SCLT1: variants seen among roughly 807,000 people sequenced by gnomAD.
The protein encoded by SCLT1 is sodium channel-associated protein 1.
A neutral mutation model predicts 112.8 loss-of-function variants in SCLT1; 78 were observed. The observed-to-expected ratio is 0.69, with a 90% CI of 0.58 to 0.83. SCLT1 has a LOEUF of 0.83. SCLT1 is among the 40% of genes least tolerant of loss of function. The pLI, the probability that SCLT1 is intolerant of heterozygous loss-of-function variation, is 0.00. For synonymous variants in SCLT1, 257 were observed against 254.7 expected (o/e 1.01, Z -0.09); for missense variants, 747 against 770.4 (o/e 0.97, Z 0.36).
At chr4:129,066,337 A>T (rs1302122115) in intron 2 of SCLT1, among the ~76,000 whole-genome samples, 1 of 152,094 alleles carries the variant, frequency 6.6e-6, no homozygotes, top group Non-Finnish European at 1.5e-5. Context: ...CTCACCAATA[A>T]TTAGAGAAAT....
At chr4:129,084,136 A>G (rs544768637) in intron 1 of SCLT1, among the ~76,000 whole-genome samples, 9 of 152,334 alleles carry the variant, frequency 5.9e-5, no homozygotes, top group African/African-American at 2.2e-4. Context: ...GAATCACATA[A>G]GGATAAATTC....
At position 129,032,108 on chromosome 4, in the gene SCLT1, A is replaced by G. The variant is rs1264287206; in HGVS notation, c.290+6933T>C. Among the ~76,000 whole-genome samples, 4 of 152,290 alleles carry G rather than the reference A, an allele frequency of 2.6e-5. No homozygotes were observed. In the East Asian group the frequency reaches 7.7e-4, roughly 29 times the overall value. ...ACTATACTACAAGGCTACAGTAACC[A>G]AAACAGCATGTTACTGGTATCAAAT... is the stretch of plus-strand genomic sequence containing the variant. On this transcript the variant is annotated intron_variant, in intron 5 of 20. Transcript: ENST00000281142.
At chr4:128,945,687 A>G (rs2125992794) in intron 16 of SCLT1, among the ~76,000 whole-genome samples, 1 of 152,264 alleles carries the variant, frequency 6.6e-6, no homozygotes, top group Non-Finnish European at 1.5e-5. Context: ...TACACTAAGT[A>G]CAGGTAGTAT....
intron 5 of SCLT1, among the ~76,000 whole-genome samples, chr4:129,028,963 A>G (rs999703147): frequency 1.7e-4 from 26 of 152,246 alleles, no homozygotes; most frequent in African/African-American, 5.1e-4. Flanking sequence ...AATGCAAATC[A>G]AAACCACAGT....
chr4:128,952,489 C>T (rs1219056342), intron 14 of SCLT1: 4 of 534,324 alleles, frequency 7.5e-6, no homozygotes, highest in Non-Finnish European at 1.4e-5. Context: ...ATAAACTCAG[C>T]ATATGATAGG....
intron 5 of SCLT1, among the ~76,000 whole-genome samples, chr4:129,021,596 CTGTGG>C (rs1456972767): frequency 2.0e-5 from 3 of 152,206 alleles, no homozygotes; most frequent in Non-Finnish European, 2.9e-5. Flanking sequence ...GGCAAAGTGG[CTGTGG>C]CCAGACCACT....
chr4:129,028,648 A>C (rs1391441773), intron 5 of SCLT1, among the ~76,000 whole-genome samples: 1 of 152,230 alleles, frequency 6.6e-6, no homozygotes, highest in East Asian at 1.9e-4. Context: ...CACCAAAAGC[A>C]ATGGCAACAA....
At chr4:128,997,786 A>C in intron 8 of SCLT1, 88 bp downstream of exon 8, 1 of 603,050 alleles carries the variant, frequency 1.7e-6, no homozygotes, top group Non-Finnish European at 2.8e-6. Flanking sequence ...AATTTCGTGC[A>C]GCATGCTTAT....
intron 18 of SCLT1, among the ~76,000 whole-genome samples, chr4:128,895,078 C>T (rs1733633610): frequency 6.6e-6 from 1 of 152,112 alleles, no homozygotes; most frequent in Non-Finnish European, 1.5e-5. Flanking sequence ...TGTTACCATC[C>T]CAATTCAAGT....
intron 4 of SCLT1, among the ~76,000 whole-genome samples, chr4:129,042,566 G>A (rs1747792441): frequency 6.6e-6 from 1 of 152,154 alleles, no homozygotes; most frequent in Non-Finnish European, 1.5e-5. Context: ...GAGATTAAGA[G>A]ATTCTTCTAA....
At chr4:128,913,580 T>C (rs1370437110) in intron 18 of SCLT1, among the ~76,000 whole-genome samples, 1 of 152,156 alleles carries the variant, frequency 6.6e-6, no homozygotes, top group East Asian at 1.9e-4. Flanking sequence ...GTGTGTTTTT[T>C]CCAGCCACCT....
intron 18 of SCLT1, among the ~76,000 whole-genome samples, chr4:128,901,070 T>C (rs1162052429): frequency 6.6e-6 from 1 of 151,592 alleles, no homozygotes; most frequent in Non-Finnish European, 1.5e-5. Flanking sequence ...TTTTACACCA[T>C]TGGGACTGTT....
At chr4:128,889,010 C>A (rs997093116) in intron 19 of SCLT1, among the ~76,000 whole-genome samples, 3 of 152,192 alleles carry the variant, frequency 2.0e-5, no homozygotes, top group African/African-American at 7.2e-5. Context: ...TAACAAATCT[C>A]AAAGCAAAAT....
intron 18 of SCLT1, among the ~76,000 whole-genome samples, chr4:128,899,445 G>A (rs1734077368): frequency 6.6e-6 from 1 of 152,180 alleles, no homozygotes; most frequent in Admixed American, 6.5e-5. Flanking sequence ...CTCAATAGAT[G>A]CAGAAAAGGC....
At chr4:128,927,540 A>T (rs1736393368) in intron 18 of SCLT1, among the ~76,000 whole-genome samples, 1 of 152,006 alleles carries the variant, frequency 6.6e-6, no homozygotes, top group Admixed American at 6.6e-5. Context: ...GTGCCACTGC[A>T]TATCAGCCTG....
intron 18 of SCLT1, among the ~76,000 whole-genome samples, chr4:128,921,795 T>C (rs1319109895): frequency 3.3e-5 from 5 of 152,160 alleles, no homozygotes; most frequent in Non-Finnish European, 5.9e-5. Context: ...AGTTGACATG[T>C]GGGACCTAAT....
chr4:129,016,535 T>C (rs1270382809), intron 5 of SCLT1, among the ~76,000 whole-genome samples: 5 of 152,238 alleles, frequency 3.3e-5, no homozygotes, highest in Admixed American at 6.5e-5. Flanking sequence ...TCAATCTTCC[T>C]GTTCCTAATT....
At chr4:129,014,881 G>A (rs17416706) in intron 5 of SCLT1, among the ~76,000 whole-genome samples, 41,776 of 152,030 alleles carry the variant, frequency 0.27, 6,047 homozygotes, top group South Asian at 0.35. Context: ...AGTGGCAGAG[G>A]CAACTCATCT....
At chr4:128,900,493 G>C (rs1299358860) in intron 18 of SCLT1, among the ~76,000 whole-genome samples, 1 of 152,102 alleles carries the variant, frequency 6.6e-6, no homozygotes, top group East Asian at 1.9e-4. Flanking sequence ...GCTGAAACTG[G>C]ATCCCTTCCT....
Sources: allele counts gnomAD v4.1 joint callset (sites outside exome capture counted in the v4.1 genomes callset), GRCh38; gene constraint gnomAD v4.1.1; transcripts MANE v1.5; gene names NCBI Gene and HGNC (gene_info 2026-07-23, HGNC 2026-07-21).